Variants in GRIK2 observed in about 807,000 individuals in gnomAD.
The protein encoded by GRIK2 is glutamate receptor ionotropic, kainate 2.
GRIK2 carries 32 observed loss-of-function variants against 100.3 expected under a neutral mutation model. That is an observed-to-expected ratio of 0.32 (90% CI 0.24 to 0.43). The LOEUF (loss-of-function observed/expected upper bound fraction) is 0.43. Among genes scored for constraint, GRIK2 ranks in the 20% least tolerant of loss-of-function variants. The pLI, the probability that GRIK2 is intolerant of heterozygous loss-of-function variation, is 1.00. For missense variants in GRIK2, 843 were observed against 1,114.9 expected (o/e 0.76, Z 3.47); for synonymous variants, 417 against 389.4 (o/e 1.07, Z -0.83).
At chr6:101,595,036 G>A (rs1030033316) in intron 2 of GRIK2, among the ~76,000 whole-genome samples, 3 of 151,520 alleles carry the variant, frequency 2.0e-5, no homozygotes, top group East Asian at 1.9e-4. Flanking sequence ...AATAAAAGAG[G>A]GAGGTTAAGG....
chr6:102,055,321 C>T lies in GRIK2; in HGVS notation c.2312-9C>T, dbSNP rs2227281. On this transcript the variant is annotated splice_polypyrimidine_tract_variant and intron_variant, in intron 15 of 16. Coordinates refer to ENST00000369134, the MANE Select transcript of GRIK2 (RefSeq NM_021956.5). ...CTTGAAATACTTAACATAACCTCTC[C>T]TTTCTTAGGTTCTCCATATCGAGAC... 505,464 of 1,593,100 alleles carry T rather than the reference C, an allele frequency of 0.32. 81,603 individuals are homozygous for T. Among genetic ancestry groups the T allele is most frequent in the East Asian group, 0.34 (15,340 of 44,622 alleles).
At chr6:102,054,461 A>C (rs1243462758) in intron 15 of GRIK2, among the ~76,000 whole-genome samples, 1 of 152,090 alleles carries the variant, frequency 6.6e-6, no homozygotes, top group Non-Finnish European at 1.5e-5. Flanking sequence ...TGGGTGGGGG[A>C]AAGGAATAAA....
intron 7 of GRIK2, among the ~76,000 whole-genome samples, chr6:101,769,493 C>G (rs1778264656): frequency 6.6e-6 from 1 of 152,118 alleles, no homozygotes; most frequent in Non-Finnish European, 1.5e-5. Context: ...GAGCCCTTTG[C>G]TGAGCTTCAT....
chr6:101,798,315 G>C (rs969510635), intron 7 of GRIK2, among the ~76,000 whole-genome samples: 2 of 151,834 alleles, frequency 1.3e-5, no homozygotes, highest in Non-Finnish European at 2.9e-5. Flanking sequence ...ATTAACTCGG[G>C]TCAGAGACAA....
At chr6:101,635,401 C>T (rs1780956324) in intron 4 of GRIK2, among the ~76,000 whole-genome samples, 1 of 151,760 alleles carries the variant, frequency 6.6e-6, no homozygotes, top group African/African-American at 2.4e-5. Context: ...CCCTAAAAAC[C>T]CTAGAAGAAA....
intron 2 of GRIK2, among the ~76,000 whole-genome samples, chr6:101,433,864 A>G (rs763918066): frequency 8.5e-5 from 13 of 152,202 alleles, no homozygotes; most frequent in Non-Finnish European, 1.6e-4. Context: ...CCAGTTGCTT[A>G]TGTAAATTAC....
chr6:101,509,970 C>A (rs1383385548), intron 2 of GRIK2, among the ~76,000 whole-genome samples: 2 of 151,976 alleles, frequency 1.3e-5, no homozygotes, highest in Non-Finnish European at 2.9e-5. Context: ...TGATTTTTTG[C>A]TACTTGTTTA....
At chr6:101,752,557 G>C (rs901649064) in intron 7 of GRIK2, among the ~76,000 whole-genome samples, 1 of 151,942 alleles carries the variant, frequency 6.6e-6, no homozygotes, top group Non-Finnish European at 1.5e-5. Flanking sequence ...AGTTTATTTT[G>C]ATAATTCCAA....
chr6:101,853,173 A>T (rs1784237817), intron 10 of GRIK2, among the ~76,000 whole-genome samples: 1 of 152,212 alleles, frequency 6.6e-6, no homozygotes, highest in African/African-American at 2.4e-5. Context: ...GGTATTGTGG[A>T]AGTTGAAAAA....
intron 14 of GRIK2, among the ~76,000 whole-genome samples, chr6:101,951,900 G>A (rs1306903189): frequency 1.3e-5 from 2 of 152,164 alleles, no homozygotes; most frequent in African/African-American, 4.8e-5. Context: ...AGCAGCATGA[G>A]AAGTAACTAA....
At chr6:101,719,399 T>A (rs1222959) in intron 7 of GRIK2, among the ~76,000 whole-genome samples, 12,335 of 151,886 alleles carry the variant, frequency 0.081, 582 homozygotes, top group East Asian at 0.14. Context: ...CATGACTTAG[T>A]GGTAATATTT....
chr6:101,667,310 T>G (rs1770102363), intron 4 of GRIK2, among the ~76,000 whole-genome samples: 1 of 151,732 alleles, frequency 6.6e-6, no homozygotes, highest in Non-Finnish European at 1.5e-5. Flanking sequence ...GGGAGTGGAG[T>G]AGAAAAAACA....
intron 2 of GRIK2, among the ~76,000 whole-genome samples, chr6:101,481,037 T>C (rs553324161): frequency 6.6e-6 from 1 of 152,298 alleles, no homozygotes; most frequent in East Asian, 1.9e-4. Flanking sequence ...AACCTGAGGA[T>C]ACTTTTGATG....
chr6:101,520,586 T>C (rs1434882833), intron 2 of GRIK2, among the ~76,000 whole-genome samples: 1 of 152,066 alleles, frequency 6.6e-6, no homozygotes, highest in East Asian at 1.9e-4. Context: ...TCAAATCTCA[T>C]TGAATGCAGT....
rs17061971 is a variant in GRIK2, at chr6:101,446,578, G to A, written c.115+47186G>A. ...CTTGTAAAAGAGCTTGATTACATCA[G>A]ATAGTCAAGCTCTTGCTAGTAAGAC... On this transcript the variant is annotated intron_variant, in intron 2 of 16. Transcript: ENST00000369134. 6.1e-3 allele frequency among the ~76,000 whole-genome samples: 920 copies of A among 151,910 alleles called. 6 individuals are homozygous for A. The highest frequency in any genetic ancestry group is 0.022 in the African/African-American group (892 of 41,476).
chr6:101,577,016 C>G (rs763858225), intron 2 of GRIK2, among the ~76,000 whole-genome samples: 1 of 151,880 alleles, frequency 6.6e-6, no homozygotes, highest in Non-Finnish European at 1.5e-5. Flanking sequence ...GGATTTCAAC[C>G]TTGCTTAAGA....
chr6:101,524,576 C>A (rs1464453516), intron 2 of GRIK2, among the ~76,000 whole-genome samples: 2 of 152,010 alleles, frequency 1.3e-5, no homozygotes, highest in African/African-American at 4.8e-5. Context: ...AAACCCAAGG[C>A]CCACATAGTG....
chr6:101,396,785 G>A (rs928409445), intron 1 of GRIK2, among the ~76,000 whole-genome samples: 20 of 152,196 alleles, frequency 1.3e-4, no homozygotes, highest in Non-Finnish European at 2.4e-4. Context: ...CAGTCTTTTA[G>A]AAGTTCAACT....
intron 2 of GRIK2, among the ~76,000 whole-genome samples, chr6:101,588,678 A>G (rs913054591): frequency 3.3e-5 from 4 of 122,022 alleles, no homozygotes; most frequent in African/African-American, 6.0e-5. Context: ...GCACACACAC[A>G]CACACAGAAA....
Sources: allele counts gnomAD v4.1 joint callset (sites outside exome capture counted in the v4.1 genomes callset), GRCh38; gene constraint gnomAD v4.1.1; transcripts MANE v1.5; gene names NCBI Gene and HGNC (gene_info 2026-07-23, HGNC 2026-07-21).